DLGAP1: variants seen among roughly 807,000 people sequenced by gnomAD.
The protein encoded by DLGAP1 is disks large-associated protein 1.
In DLGAP1, 11 loss-of-function variants were observed where a neutral mutation model predicts 90.8. The ratio of observed to expected loss-of-function variants is 0.12; its 90% CI spans 0.08 to 0.20. The LOEUF (loss-of-function observed/expected upper bound fraction) is 0.20. DLGAP1 is among the 10% of genes least tolerant of loss of function. The pLI is 1.00. For synonymous variants in DLGAP1, 558 were observed against 540.7 expected (o/e 1.03, Z -0.44); for missense variants, 1,050 against 1,333.8 (o/e 0.79, Z 3.31).
chr18:3,655,879 C>G (rs577006498), intron 7 of DLGAP1: 1 of 508,988 alleles, frequency 2.0e-6, no homozygotes, highest in East Asian at 3.1e-5. Flanking sequence ...GCTGCCCTCT[C>G]AGGTCAGTGC....
intron 3 of DLGAP1, among the ~76,000 whole-genome samples, chr18:3,941,534 A>C (rs542679535): frequency 5.3e-5 from 8 of 152,366 alleles, no homozygotes; most frequent in African/African-American, 1.9e-4. Context: ...AGAATTCCAG[A>C]AAGGACAAAG....
rs536829094 is a variant in DLGAP1, at chr18:4,109,932, T to A, written c.-159+41248A>T. ...GGGACAGGACTCAAGTCTTGAAATG[T>A]GAAATATATATATTCATATTATCTA... is the stretch of plus-strand genomic sequence containing the variant. On this transcript the variant is annotated intron_variant, in intron 2 of 12. Coordinates refer to ENST00000315677, the MANE Select transcript of DLGAP1 (RefSeq NM_004746.4). Among the ~76,000 whole-genome samples, 6 of 152,220 alleles carry A rather than the reference T, an allele frequency of 3.9e-5. No homozygotes were observed. The South Asian group carries it at 1.2e-3, about 32-fold the overall frequency.
At chr18:3,974,878 A>G (rs1260626208) in intron 3 of DLGAP1, among the ~76,000 whole-genome samples, 1 of 150,020 alleles carries the variant, frequency 6.7e-6, no homozygotes, top group Non-Finnish European at 1.5e-5. Context: ...TACAACATGG[A>G]TAAACCTTGA....
chr18:3,872,210 G>A (rs1470330948), intron 4 of DLGAP1, among the ~76,000 whole-genome samples: 5 of 133,152 alleles, frequency 3.8e-5, no homozygotes, highest in Admixed American at 8.1e-5. Context: ...TTAATCACGT[G>A]AGTGCTCTCC....
At chr18:4,230,320 A>G (rs1449163448) in intron 1 of DLGAP1, among the ~76,000 whole-genome samples, 2 of 152,102 alleles carry the variant, frequency 1.3e-5, no homozygotes, top group Non-Finnish European at 2.9e-5. Flanking sequence ...TATCGAAGAG[A>G]TATCTGCACT....
intron 1 of DLGAP1, among the ~76,000 whole-genome samples, chr18:4,399,926 A>G (rs1302925276): frequency 6.6e-6 from 1 of 152,228 alleles, no homozygotes; most frequent in African/African-American, 2.4e-5. Context: ...CTGACTCGGG[A>G]AAAAAAGCTA....
chr18:4,371,281 T>C (rs1403760357), intron 1 of DLGAP1, among the ~76,000 whole-genome samples: 1 of 152,166 alleles, frequency 6.6e-6, no homozygotes, highest in Non-Finnish European at 1.5e-5. Context: ...AAGTCAAATA[T>C]ATGTGGCTTA....
chr18:3,876,587 G>T (rs1193651225), intron 4 of DLGAP1, among the ~76,000 whole-genome samples: 1 of 152,178 alleles, frequency 6.6e-6, no homozygotes, highest in East Asian at 1.9e-4. Context: ...AGGTGCTTTG[G>T]TGTCAAAGAC....
chr18:3,658,191 T>C (rs1484268297), intron 7 of DLGAP1, among the ~76,000 whole-genome samples: 2 of 152,236 alleles, frequency 1.3e-5, no homozygotes, highest in East Asian at 3.8e-4. Context: ...CATACGGGTA[T>C]GGTAGAATGT....
chr18:3,875,479 C>T (rs968241857), intron 4 of DLGAP1, among the ~76,000 whole-genome samples: 10 of 152,200 alleles, frequency 6.6e-5, no homozygotes, highest in African/African-American at 2.2e-4. Flanking sequence ...CTGCTTCCTT[C>T]CTCTGCTTTG....
At chr18:3,547,301 CAAAAAAAAA>C (rs765095049) in intron 9 of DLGAP1, among the ~76,000 whole-genome samples, 1 of 45,432 alleles carries the variant, frequency 2.2e-5, no homozygotes, top group Non-Finnish European at 4.5e-5. Flanking sequence ...GACTCCGTCT[CAAAAAAAAA>C]AAAAAAAAAA....
At chr18:4,292,474 C>T (rs2079873970) in intron 1 of DLGAP1, among the ~76,000 whole-genome samples, 1 of 151,832 alleles carries the variant, frequency 6.6e-6, no homozygotes. Flanking sequence ...ATGAGCATTT[C>T]CTATGTTGTT....
intron 2 of DLGAP1, among the ~76,000 whole-genome samples, chr18:4,115,485 T>TTCCTTC (rs1568405007): frequency 7.0e-6 from 1 of 142,018 alleles, no homozygotes; most frequent in African/African-American, 3.1e-5. Flanking sequence ...TTCCTTTCTT[T>TTCCTTC]CTTTCTTTCT....
intron 3 of DLGAP1, among the ~76,000 whole-genome samples, chr18:3,999,783 A>C (rs1163248726): frequency 6.6e-6 from 1 of 152,076 alleles, no homozygotes; most frequent in African/African-American, 2.4e-5. Flanking sequence ...GCTTGTGCGC[A>C]TGTGTTCTCT....
rs560060485 is a variant in DLGAP1 at position 4,175,960 on chromosome 18, G to A, written c.-266-24673C>T. ...TTAAAGTAGTTTTCTCTAATTCTGC[G>A]AAGAAAGTCAGTGGTAGGTTGATTG... is the stretch of plus-strand genomic sequence containing the variant. On this transcript the variant is annotated intron_variant, in intron 1 of 12. Coordinates refer to ENST00000315677, the MANE Select transcript of DLGAP1 (RefSeq NM_004746.4). Among the ~76,000 whole-genome samples, 20 of 152,256 alleles carry A rather than the reference G, an allele frequency of 1.3e-4. No homozygotes were observed. The East Asian group carries it at 2.9e-3, about 22-fold the overall frequency.
At chr18:3,924,993 C>G (rs1392256219) in intron 3 of DLGAP1, among the ~76,000 whole-genome samples, 1 of 152,084 alleles carries the variant, frequency 6.6e-6, no homozygotes, top group Non-Finnish European at 1.5e-5. Flanking sequence ...TGCTCCATTG[C>G]CCGGGCTGGA....
chr18:4,050,134 T>C (rs1039485000), intron 2 of DLGAP1, among the ~76,000 whole-genome samples: 1 of 152,178 alleles, frequency 6.6e-6, no homozygotes, highest in Admixed American at 6.5e-5. Flanking sequence ...TCTCATGCAT[T>C]GGCCTAAGTG....
chr18:3,946,952 T>C (rs1023002606), intron 3 of DLGAP1, among the ~76,000 whole-genome samples: 4 of 152,208 alleles, frequency 2.6e-5, no homozygotes, highest in African/African-American at 2.4e-5. Flanking sequence ...ACTAAGTTCT[T>C]GATATTTTAG....
chr18:3,945,802 T>C lies in DLGAP1; in HGVS notation c.-73+59314A>G, dbSNP rs1489869294. Reference sequence around the variant, plus strand: ...TATAATAATAAAAGAAAAAAAAGAGTTAATATGCTCTTTAAAGCAATGGTT... The same window carrying C: ...TATAATAATAAAAGAAAAAAAAGAGCTAATATGCTCTTTAAAGCAATGGTT... On this transcript the variant is annotated intron_variant, in intron 3 of 12. Transcript: ENST00000315677. Among the ~76,000 whole-genome samples, 3 of 150,420 alleles carry C rather than the reference T, an allele frequency of 2.0e-5. No individual in the cohort carries two copies. In the East Asian group the frequency reaches 5.9e-4, roughly 29 times the overall value.
Sources: allele counts gnomAD v4.1 joint callset (sites outside exome capture counted in the v4.1 genomes callset), GRCh38; gene constraint gnomAD v4.1.1; transcripts MANE v1.5; gene names NCBI Gene and HGNC (gene_info 2026-07-23, HGNC 2026-07-21).